Variants in LRP1B observed in about 807,000 individuals in gnomAD.
The protein encoded by LRP1B is LDL receptor related protein 1B.
Under a neutral mutation model 556.6 loss-of-function variants are expected in LRP1B, and 217 were observed. The observed-to-expected ratio is 0.39, with a 90% CI of 0.35 to 0.44. The LOEUF is 0.44. Among genes scored for constraint, LRP1B ranks in the 20% least tolerant of loss-of-function variants. The pLI, the probability that LRP1B is intolerant of heterozygous loss-of-function variation, is 1.00. For synonymous variants in LRP1B, 2,047 were observed against 1,865.8 expected (o/e 1.10, Z -2.50); for missense variants, 5,053 against 5,620.8 (o/e 0.90, Z 3.23).
intron 2 of LRP1B, among the ~76,000 whole-genome samples, chr2:141,518,853 G>T (rs1213050951): frequency 6.6e-6 from 1 of 152,156 alleles, no homozygotes; most frequent in Non-Finnish European, 1.5e-5. Flanking sequence ...GGGAGGCTGA[G>T]GCAGGAGATT....
intron 3 of LRP1B, among the ~76,000 whole-genome samples, chr2:141,263,491 T>C (rs1684776411): frequency 6.6e-6 from 1 of 152,098 alleles, no homozygotes; most frequent in Non-Finnish European, 1.5e-5. Flanking sequence ...TCCCTATATA[T>C]ATAGAAGAAT....
At chr2:141,123,272 G>GAAAC (rs1701113852) in intron 7 of LRP1B, among the ~76,000 whole-genome samples, 1 of 139,132 alleles carries the variant, frequency 7.2e-6, no homozygotes. Context: ...ATAAAAAAAA[G>GAAAC]AAAGTAAATC....
chr2:141,735,571 T>C (rs951526623), intron 2 of LRP1B, among the ~76,000 whole-genome samples: 5 of 151,528 alleles, frequency 3.3e-5, no homozygotes, highest in African/African-American at 1.2e-4. Context: ...ATAGAGAACA[T>C]TGACTGAGAG....
At chr2:141,709,236 C>A (rs781374432) in intron 2 of LRP1B, among the ~76,000 whole-genome samples, 4 of 151,996 alleles carry the variant, frequency 2.6e-5, no homozygotes, top group Non-Finnish European at 5.9e-5. Flanking sequence ...GTAGTCCCAG[C>A]TACTCAGGAG....
At chr2:141,193,518 TTAG>T (rs1195403086) in intron 6 of LRP1B, among the ~76,000 whole-genome samples, 2 of 151,964 alleles carry the variant, frequency 1.3e-5, no homozygotes, top group Admixed American at 6.6e-5. Context: ...TTCTCATGTA[TTAG>T]TAGGAGCTGA....
intron 3 of LRP1B, among the ~76,000 whole-genome samples, chr2:141,345,668 T>G (rs975834440): frequency 5.9e-5 from 9 of 151,334 alleles, no homozygotes; most frequent in African/African-American, 2.2e-4. Flanking sequence ...TTTTTTTTTT[T>G]TTTTTTTTTT....
rs1490898111 is a variant in LRP1B, at chr2:141,447,617, A to AT, written c.343+32778dup. Among the ~76,000 whole-genome samples the AT allele has an allele frequency of 1.1e-4, 16 of 151,996 alleles. No homozygotes were observed. In the South Asian group the frequency reaches 3.1e-3, roughly 30 times the overall value. On this transcript the variant is annotated intron_variant, in intron 3 of 90. Coordinates refer to ENST00000389484, the MANE Select transcript of LRP1B (RefSeq NM_018557.3). ...TTTTGAGTGGATGTCCTTTTTGTTG[A>AT]TGTTGATGCTATTCCTTTCTGTTTG...
chr2:140,886,299 T>G lies in LRP1B; in HGVS notation c.3803A>C (p.His1268Pro). ...FEAFIIFSIR[H>P]EIRRIDLHKR... ...GTGAAGATCAATCCTTCTGATCTCA[T>G]GACGAATAGAAAAGATGATGAATGC... The change falls in exon 24 of 91, where the codon CAT becomes CCT. Residue 1268 changes from histidine to proline, a missense_variant. This residue lies in a region of LRP1B where 3,619 missense variants were observed against 3,931.9 expected (regional missense o/e 0.92). Coordinates refer to ENST00000389484, the MANE Select transcript of LRP1B (RefSeq NM_018557.3). 6 of 1,603,972 alleles carry G rather than the reference T, an allele frequency of 3.7e-6. No homozygotes were observed. Among genetic ancestry groups the G allele is most frequent in the Non-Finnish European group, 4.3e-6 (5 of 1,174,278 alleles).
chr2:141,302,118 T>G (rs1686417707), intron 3 of LRP1B, among the ~76,000 whole-genome samples: 1 of 151,978 alleles, frequency 6.6e-6, no homozygotes, highest in Non-Finnish European at 1.5e-5. Context: ...CATAAATATC[T>G]CCCAGGAAAA....
chr2:141,247,964 T>A (rs2105329099), intron 4 of LRP1B, among the ~76,000 whole-genome samples: 1 of 152,218 alleles, frequency 6.6e-6, no homozygotes, highest in African/African-American at 2.4e-5. Context: ...TCCCAGCACT[T>A]TGGGAGGCCT....
intron 11 of LRP1B, among the ~76,000 whole-genome samples, chr2:141,043,351 C>T (rs1229313322): frequency 6.6e-6 from 1 of 151,826 alleles, no homozygotes; most frequent in Non-Finnish European, 1.5e-5. Context: ...GTATGACTTA[C>T]GACTTGAAGT....
In LRP1B at chr2:141,879,799, G is replaced by A. The variant is rs1377128918; in HGVS notation, c.83-69398C>T. On this transcript the variant is annotated intron_variant, in intron 1 of 90. Transcript: ENST00000389484. ...ATGGAACGTCTCATAATTATAATTA[G>A]CAGAGATAAAGGAAACAACTTAAAA... is the stretch of plus-strand genomic sequence containing the variant. Among the ~76,000 whole-genome samples the A allele has an allele frequency of 4.6e-5, 7 of 151,856 alleles. No individual in the cohort carries two copies. In the South Asian group the frequency reaches 1.0e-3, roughly 22 times the overall value.
intron 67 of LRP1B, 63 bp downstream of exon 67, chr2:140,385,830 T>C (rs1683734562): frequency 2.8e-6 from 3 of 1,082,960 alleles, no homozygotes; most frequent in Non-Finnish European, 4.3e-6. Context: ...GAACTAAAAA[T>C]TGCCATCCTG....
intron 16 of LRP1B, among the ~76,000 whole-genome samples, chr2:140,991,043 AC>A (rs1573958596): frequency 2.6e-5 from 4 of 152,242 alleles, no homozygotes; most frequent in Middle Eastern, 6.8e-3. Flanking sequence ...TAGTAAAAAA[AC>A]AAAACAAAAC....
intron 11 of LRP1B, among the ~76,000 whole-genome samples, chr2:141,036,945 T>A (rs72981063): frequency 0.054 from 8,148 of 152,018 alleles, 270 homozygotes; most frequent in Middle Eastern, 0.075. Context: ...AGAGTTTCAC[T>A]GCCACAGGAG....
chr2:140,526,263 G>T lies in LRP1B; in HGVS notation c.7850C>A (p.Ala2617Glu), dbSNP rs564018522. 1.9e-6 allele frequency: 3 copies of T among 1,611,748 alleles called. No homozygotes were observed. In the East Asian group the frequency reaches 6.7e-5, roughly 36 times the overall value. The change falls in exon 48 of 91, where the codon GCA (alanine) becomes GAA (glutamate). Residue 2617 changes from alanine (A) to glutamate (E), a missense_variant. Coordinates refer to ENST00000389484, the MANE Select transcript of LRP1B (RefSeq NM_018557.3). ...SARCNQNIDC[A>E]DASDEKNCNN... ...GCAGTTCTTTTCATCTGAAGCATCT[G>T]CACAATCTATGTTCTGGTTGCATCG...
At chr2:140,629,513 T>C (rs1245767198) in intron 41 of LRP1B, among the ~76,000 whole-genome samples, 1 of 152,194 alleles carries the variant, frequency 6.6e-6, no homozygotes, top group African/African-American at 2.4e-5. Flanking sequence ...GCTATGATTT[T>C]TGTAACAGAA....
At chr2:141,152,875 T>G (rs1701959160) in intron 7 of LRP1B, among the ~76,000 whole-genome samples, 1 of 151,474 alleles carries the variant, frequency 6.6e-6, no homozygotes, top group South Asian at 2.1e-4. Flanking sequence ...TTTATTATTA[T>G]TTTTAGTATT....
intron 2 of LRP1B, among the ~76,000 whole-genome samples, chr2:141,664,396 T>A (rs1690344167): frequency 6.6e-6 from 1 of 152,104 alleles, no homozygotes; most frequent in Admixed American, 6.6e-5. Context: ...GGTACTCAAA[T>A]AGGAAGAGAG....
Sources: allele counts gnomAD v4.1 joint callset (sites outside exome capture counted in the v4.1 genomes callset), GRCh38; gene constraint gnomAD v4.1.1; regional missense constraint gnomAD v4.1.1; transcripts MANE v1.5; gene names NCBI Gene and HGNC (gene_info 2026-07-23, HGNC 2026-07-21).